The following ABCC3 variants were observed in gnomAD, a reference collection of about 807,000 sequenced individuals.
The protein encoded by ABCC3 is ATP-binding cassette sub-family C member 3.
A neutral mutation model predicts 165.3 loss-of-function variants in ABCC3; 121 were observed. The observed-to-expected ratio is 0.73, with a 90% CI of 0.63 to 0.85. The LOEUF (loss-of-function observed/expected upper bound fraction) is 0.85, where lower values mean the gene tolerates loss of function less well. Ranked by LOEUF, ABCC3 falls within the 40% of genes least tolerant of loss-of-function variation. The pLI, the probability that ABCC3 is intolerant of heterozygous loss-of-function variation, is 0.00. For synonymous variants in ABCC3, 733 were observed against 810.1 expected (o/e 0.90, Z 1.62); for missense variants, 1,869 against 1,964.1 (o/e 0.95, Z 0.92).
At chr17:50,684,189 GACTGGGACCCCAGTCTC>G (rs1041071295) in intron 28 of ABCC3, 82 bp downstream of exon 28, 502 of 1,525,442 alleles carry the variant, frequency 3.3e-4, no homozygotes, top group Admixed American at 7.5e-4. Context: ...TTAGGATGGA[GACTGGGACCCCAGTCTC>G]AGAGGCTTGG....
chr17:50,677,658 A>C (rs1270916059), intron 23 of ABCC3, 86 bp from the exon 24 acceptor site: 16 of 1,350,124 alleles, frequency 1.2e-5, no homozygotes, highest in Non-Finnish European at 1.7e-5. Context: ...GGGAGGACTC[A>C]TCTGAAAATG....
At chr17:50,668,262 C>G (rs1967568870) in intron 13 of ABCC3, among the ~76,000 whole-genome samples, 168 bp from the exon 14 acceptor site, 1 of 152,142 alleles carries the variant, frequency 6.6e-6, no homozygotes, top group Non-Finnish European at 1.5e-5. Context: ...TGGACTTTCT[C>G]TTTGGGCAGT....
chr17:50,673,881 G>C (rs996993140), intron 19 of ABCC3, among the ~76,000 whole-genome samples: 1 of 148,354 alleles, frequency 6.7e-6, no homozygotes, highest in African/African-American at 2.5e-5. Flanking sequence ...CAGATCCTCC[G>C]CCCCGGTCTC....
At chr17:50,635,838 G>C (rs541893743) in intron 1 of ABCC3, 2 of 460,592 alleles carry the variant, frequency 4.3e-6, no homozygotes, top group Non-Finnish European at 7.8e-6. Flanking sequence ...AGCTATGATC[G>C]CACCACTGCA....
In ABCC3 at chr17:50,669,327, C is replaced by T. The variant is rs549114512; in HGVS notation, c.2065-25C>T. Reference sequence around the variant, plus strand: ...GCTCAGCCAGGCCTTGGGCAAGCCCCGAGGTAAATTTCTCCTGTGGCCAGG... The same window carrying T: ...GCTCAGCCAGGCCTTGGGCAAGCCCTGAGGTAAATTTCTCCTGTGGCCAGG... On this transcript the variant is annotated intron_variant, in intron 16 of 30. Transcript: ENST00000285238. 3.6e-5 allele frequency: 58 copies of T among 1,614,144 alleles called. No individual in the cohort carries two copies. The Admixed American group carries it at 7.2e-4, about 20-fold the overall frequency.
At chr17:50,690,096 G>A (rs1276581668) in intron 30 of ABCC3, among the ~76,000 whole-genome samples, 1 of 152,188 alleles carries the variant, frequency 6.6e-6, no homozygotes, top group Non-Finnish European at 1.5e-5. Context: ...GGAGGATGGA[G>A]GTGGGGCAAT....
At chr17:50,669,083 G>A in intron 15 of ABCC3, 57 bp from the exon 16 acceptor site, 1 of 1,589,726 alleles carries the variant, frequency 6.3e-7, no homozygotes, top group Non-Finnish European at 8.6e-7. Flanking sequence ...GTGGAGGGTT[G>A]GAGACCAAAA....
In ABCC3 at chr17:50,655,993, G is replaced by A; in HGVS notation, c.207G>A (p.Leu69=). Residue 69 remains leucine, a synonymous_variant, in exon 2 of 31, where the codon CTG becomes CTA. Coordinates refer to ENST00000285238, the MANE Select transcript of ABCC3 (RefSeq NM_003786.4). ...HCRGYIILSH[L]SKLKMVLGVL... is the part of the protein sequence containing the mutation. Reference sequence around the variant, plus strand: ...GTGGCTACATCATCCTCTCCCACCTGTCCAAGCTCAAGATGGTCAGTGGCT... The same window carrying A: ...GTGGCTACATCATCCTCTCCCACCTATCCAAGCTCAAGATGGTCAGTGGCT... 1 of 1,613,762 alleles carries A rather than the reference G, an allele frequency of 6.2e-7. No homozygotes were observed. The highest frequency in any genetic ancestry group is 1.3e-5 in the African/African-American group (1 of 75,008).
intron 6 of ABCC3, among the ~76,000 whole-genome samples, chr17:50,658,947 C>T (rs1483586690): frequency 1.3e-5 from 2 of 152,186 alleles, no homozygotes; most frequent in East Asian, 1.9e-4. Flanking sequence ...TCGTCCTCAC[C>T]CAGGGCCCCA....
chr17:50,663,789 C>G lies in ABCC3; in HGVS notation c.1107C>G (p.His369Gln), dbSNP rs767502496. 2 of 1,614,210 alleles carry G rather than the reference C, an allele frequency of 1.2e-6. No individual in the cohort carries two copies. Among genetic ancestry groups the G allele is most frequent in the Non-Finnish European group, 1.7e-6 (2 of 1,180,042 alleles). ...TGATGCAGTCGCTGATCTTACAACACTATTACCACTACATCTTTGTGACTG... is the reference window on the plus strand; with the variant it reads ...TGATGCAGTCGCTGATCTTACAACAGTATTACCACTACATCTTTGTGACTG... ...CSMMQSLILQ[H>Q]YYHYIFVTGV... Residue 369 changes from histidine (H) to glutamine (Q), a missense_variant, in exon 9 of 31, where the codon CAC becomes CAG. Physicochemically the swap from His to Gln is conservative, Grantham distance 24 (BLOSUM62 0). Coordinates refer to ENST00000285238, the MANE Select transcript of ABCC3 (RefSeq NM_003786.4).
chr17:50,645,590 G>C (rs1207139725), intron 1 of ABCC3, among the ~76,000 whole-genome samples: 1 of 151,974 alleles, frequency 6.6e-6, no homozygotes, highest in Non-Finnish European at 1.5e-5. Flanking sequence ...CAATAAACGT[G>C]TATGTGTGTG....
chr17:50,683,673 T>C lies in ABCC3; in HGVS notation c.3871T>C (p.Phe1291Leu), dbSNP rs1967966095. 3.8e-6 allele frequency: 6 copies of C among 1,592,952 alleles called. No homozygotes were observed. In the East Asian group the frequency reaches 1.4e-4, roughly 37 times the overall value. Reference protein sequence around the residue: ...EGWPPRGEVEFRNYSVRYRPG... With the variant: ...EGWPPRGEVELRNYSVRYRPG... ...TTGGCCCCCACGTGGGGAGGTGGAG[T>C]TCCGGAATTATTCTGTGCGCTACCG... The change falls in exon 27 of 31, where the codon TTC becomes CTC. Residue 1291 changes from phenylalanine (F) to leucine (L), a missense_variant. Phe to Leu is a conservative substitution (Grantham distance 22, BLOSUM62 0). Transcript: ENST00000285238.
At chr17:50,637,093 G>T (rs1397314765) in intron 1 of ABCC3, among the ~76,000 whole-genome samples, 2 of 152,146 alleles carry the variant, frequency 1.3e-5, no homozygotes, top group Non-Finnish European at 2.9e-5. Context: ...GGCTCAGTGG[G>T]AGTCAGCTCA....
At chr17:50,635,327 G>T in intron 1 of ABCC3, 1 of 631,354 alleles carries the variant, frequency 1.6e-6, no homozygotes, top group Non-Finnish European at 2.9e-6. Context: ...CGGAAGGGGC[G>T]TTTCGCAATC....
At position 50,658,502 on chromosome 17, in the gene ABCC3, T is replaced by C. The variant is rs373443647; in HGVS notation, c.674+6T>C. 3 of 1,613,030 alleles carry C rather than the reference T, an allele frequency of 1.9e-6. No individual in the cohort carries two copies. In the African/African-American group the frequency reaches 4.0e-5, roughly 22 times the overall value. On this transcript the variant is annotated splice_donor_region_variant and intron_variant, in intron 6 of 30. Transcript: ENST00000285238. ...TTTTTCTGGTGGTTCACAAAGTGAGTTGGCTCTTCCACCAGCCAGGCCAGA... is the reference window on the plus strand; with the variant it reads ...TTTTTCTGGTGGTTCACAAAGTGAGCTGGCTCTTCCACCAGCCAGGCCAGA...
chr17:50,677,627 G>A (rs571018015), intron 23 of ABCC3, 117 bp from the exon 24 acceptor site: 155 of 1,017,818 alleles, frequency 1.5e-4, no homozygotes, highest in Middle Eastern at 6.4e-4. Flanking sequence ...GCGATGTCTC[G>A]TGGTGGGAGT....
At chr17:50,648,396 G>C (rs1384557259) in intron 1 of ABCC3, among the ~76,000 whole-genome samples, 1 of 152,150 alleles carries the variant, frequency 6.6e-6, no homozygotes, top group Admixed American at 6.5e-5. Flanking sequence ...AAACACCCAA[G>C]ATACTTATCC....
At chr17:50,678,071 C>A (rs772485394) in intron 24 of ABCC3, 22 bp from the exon 25 acceptor site, 2 of 1,612,622 alleles carry the variant, frequency 1.2e-6, no homozygotes, top group Non-Finnish European at 1.7e-6. Flanking sequence ...GCCCCATTTC[C>A]TCCTCATCTG....
At chr17:50,683,837 T>G in intron 27 of ABCC3, 81 bp downstream of exon 27, 1 of 1,561,710 alleles carries the variant, frequency 6.4e-7, no homozygotes, top group Non-Finnish European at 8.6e-7. Flanking sequence ...CTTGGGTCTT[T>G]TGAGAGCACA....
Sources: allele counts gnomAD v4.1 joint callset (sites outside exome capture counted in the v4.1 genomes callset), GRCh38; gene constraint gnomAD v4.1.1; transcripts MANE v1.5; gene names NCBI Gene and HGNC (gene_info 2026-07-23, HGNC 2026-07-21).